Variants in COLEC12 observed in about 807,000 individuals in gnomAD.
COLEC12 encodes the protein collectin-12.
In COLEC12, 33 loss-of-function variants were observed where a neutral mutation model predicts 71.1. The observed-to-expected ratio is 0.46, with a 90% CI of 0.35 to 0.62. COLEC12 has a LOEUF of 0.62. Among genes scored for constraint, COLEC12 ranks in the 20% least tolerant of loss-of-function variants. The pLI, the probability that COLEC12 is intolerant of heterozygous loss-of-function variation, is 0.00. For missense variants in COLEC12, 765 were observed against 916.1 expected (o/e 0.84, Z 2.13); for synonymous variants, 350 against 353.0 (o/e 0.99, Z 0.10).
chr18:377,240 C>A (rs1915132886), intron 2 of COLEC12, among the ~76,000 whole-genome samples: 1 of 152,218 alleles, frequency 6.6e-6, no homozygotes, highest in Non-Finnish European at 1.5e-5. Flanking sequence ...CAGTGCTCAG[C>A]AAGCGGCTGA....
intron 7 of COLEC12, 34 bp downstream of exon 7, chr18:332,973 T>C (rs1660661665): frequency 6.6e-7 from 1 of 1,525,280 alleles, no homozygotes; most frequent in Non-Finnish European, 8.8e-7. Flanking sequence ...CCTTAAATTA[T>C]AGTTTTCCCC....
rs574507284 is a variant in COLEC12, at chr18:452,734, T to C, written c.58+27973A>G. Reference sequence around the variant, plus strand: ...GCTCTCCAGGACTGACTTTCAGATTTATTTTTTAAGTTACTGTGTTCTGCC... The same window carrying C: ...GCTCTCCAGGACTGACTTTCAGATTCATTTTTTAAGTTACTGTGTTCTGCC... On this transcript the variant is annotated intron_variant, in intron 2 of 9. Coordinates refer to ENST00000400256, the MANE Select transcript of COLEC12 (RefSeq NM_130386.3). Among the ~76,000 whole-genome samples the C allele has an allele frequency of 1.8e-4, 28 of 152,354 alleles. 1 individual carries two copies. The South Asian group carries it at 5.6e-3, about 30-fold the overall frequency.
chr18:347,494 T>C (rs1914411877), intron 4 of COLEC12, among the ~76,000 whole-genome samples, 153 bp from the exon 5 acceptor site: 1 of 152,188 alleles, frequency 6.6e-6, no homozygotes, highest in South Asian at 2.1e-4. Context: ...AAAATGTACA[T>C]ATCTATTAAA....
At chr18:374,439 AG>A (rs201361050) in intron 2 of COLEC12, among the ~76,000 whole-genome samples, 7,983 of 152,188 alleles carry the variant, frequency 0.052, 670 homozygotes, top group African/African-American at 0.18. Flanking sequence ...AGCCATTCAA[AG>A]AACAAGCCAC....
chr18:366,121 T>C (rs916209087), intron 2 of COLEC12, among the ~76,000 whole-genome samples: 1 of 152,214 alleles, frequency 6.6e-6, no homozygotes, highest in Non-Finnish European at 1.5e-5. Flanking sequence ...CAAAAATCTA[T>C]CTCTGCCTTC....
At chr18:445,568 A>G (rs889419892) in intron 2 of COLEC12, among the ~76,000 whole-genome samples, 2 of 151,942 alleles carry the variant, frequency 1.3e-5, no homozygotes, top group African/African-American at 4.8e-5. Flanking sequence ...TTCCAATTTT[A>G]GAATATTTTC....
At chr18:450,292 C>T (rs71352943) in intron 2 of COLEC12, among the ~76,000 whole-genome samples, 17,622 of 152,162 alleles carry the variant, frequency 0.12, 1,394 homozygotes, top group East Asian at 0.37. Context: ...AATCTCATGT[C>T]GATTTGTAAT....
chr18:426,896 TC>T (rs947156409), intron 2 of COLEC12, among the ~76,000 whole-genome samples: 11 of 150,402 alleles, frequency 7.3e-5, no homozygotes, highest in Non-Finnish European at 1.5e-4. Context: ...TCATTTTCTC[TC>T]CCTTCTCTCT....
intron 8 of COLEC12, among the ~76,000 whole-genome samples, chr18:328,898 C>G (rs554098486): frequency 6.6e-6 from 1 of 152,296 alleles, no homozygotes; most frequent in Admixed American, 6.5e-5. Context: ...ATTAAATTAG[C>G]CTTTGGTTAT....
intron 8 of COLEC12, among the ~76,000 whole-genome samples, chr18:330,982 C>T (rs1405814984): frequency 6.6e-6 from 1 of 151,204 alleles, no homozygotes; most frequent in Non-Finnish European, 1.5e-5. Flanking sequence ...TGGGTTTAAG[C>T]AATTCTTCTG....
chr18:360,344 G>A (rs529743460), intron 2 of COLEC12, among the ~76,000 whole-genome samples: 8 of 151,982 alleles, frequency 5.3e-5, no homozygotes, highest in Admixed American at 6.5e-5. Context: ...GACCACACAC[G>A]GCTACTTTTT....
intron 2 of COLEC12, among the ~76,000 whole-genome samples, chr18:443,475 G>A (rs1916584419): frequency 6.6e-6 from 1 of 152,168 alleles, no homozygotes; most frequent in African/African-American, 2.4e-5. Context: ...TATTTAAATG[G>A]TGGTTAAAAA....
At chr18:383,055 C>T (rs1174934302) in intron 2 of COLEC12, among the ~76,000 whole-genome samples, 1 of 152,058 alleles carries the variant, frequency 6.6e-6, no homozygotes, top group African/African-American at 2.4e-5. Flanking sequence ...AACGCAATTC[C>T]CCCAACGGGA....
rs373470923 is a variant in COLEC12, at chr18:325,627, C to A, written c.2064-3820G>T. Among the ~76,000 whole-genome samples, 41 of 51,842 alleles carry A rather than the reference C, an allele frequency of 7.9e-4. 1 individual carries two copies. Among genetic ancestry groups the A allele is most frequent in the African/African-American group, 3.2e-3 (38 of 11,702 alleles). The allele number at this position is 51,842 out of a possible 152,430, so 34.0% of individuals were successfully genotyped here. ...TTACACCAAGAGTAAAAGGATCAGC[C>A]TTTTTTTTTTTTTTTTTTTTTTTTT... On this transcript the variant is annotated intron_variant, in intron 8 of 9. Coordinates refer to ENST00000400256, the MANE Select transcript of COLEC12 (RefSeq NM_130386.3).
intron 1 of COLEC12, among the ~76,000 whole-genome samples, chr18:485,106 C>A (rs1197460726): frequency 2.6e-5 from 4 of 152,232 alleles, no homozygotes; most frequent in Non-Finnish European, 5.9e-5. Context: ...TAGCCTGATA[C>A]AATGTGCAAT....
chr18:379,800 G>C (rs1286997355), intron 2 of COLEC12, among the ~76,000 whole-genome samples: 2 of 152,108 alleles, frequency 1.3e-5, no homozygotes, highest in Non-Finnish European at 2.9e-5. Context: ...GAATAAGGGA[G>C]GAGTTCATTC....
intron 1 of COLEC12, among the ~76,000 whole-genome samples, chr18:482,593 G>A (rs1917443542): frequency 6.6e-6 from 1 of 152,084 alleles, no homozygotes; most frequent in African/African-American, 2.4e-5. Flanking sequence ...AGGTGAGTAA[G>A]TCATGGTCCT....
At chr18:445,099 G>A (rs1013343892) in intron 2 of COLEC12, among the ~76,000 whole-genome samples, 1 of 152,070 alleles carries the variant, frequency 6.6e-6, no homozygotes, top group Non-Finnish European at 1.5e-5. Flanking sequence ...TGGCACTCTG[G>A]GGTGAACATA....
chr18:451,003 AG>A (rs1277043860), intron 2 of COLEC12, among the ~76,000 whole-genome samples: 1 of 152,234 alleles, frequency 6.6e-6, no homozygotes, highest in Non-Finnish European at 1.5e-5. Context: ...GTGATGATTT[AG>A]GGTATCTGGT....
Sources: gnomAD v4.1 joint callset for allele counts (sites outside exome capture counted in the v4.1 genomes callset) on GRCh38, gnomAD v4.1.1 for gene constraint, MANE v1.5 for transcripts, NCBI Gene and HGNC (gene_info 2026-07-23, HGNC 2026-07-21) for gene names.